The following NDUFS4 variants were observed in gnomAD, a reference collection of about 807,000 sequenced individuals.
NDUFS4 encodes the protein NADH:ubiquinone oxidoreductase subunit S4, also known as NADH dehydrogenase [ubiquinone] iron-sulfur protein 4, mitochondrial.
A neutral mutation model predicts 24.3 loss-of-function variants in NDUFS4; 28 were observed. The ratio of observed to expected loss-of-function variants is 1.15; its 90% CI spans 0.85 to 1.58. The LOEUF (loss-of-function observed/expected upper bound fraction) is 1.58, where lower values mean the gene tolerates loss of function less well. NDUFS4 is among the 40% of genes most tolerant of loss of function. The probability of loss-of-function intolerance (pLI) is 0.00; values close to 1 mark genes in which losing one functional copy is unlikely to be tolerated. For synonymous variants in NDUFS4, 93 were observed against 69.7 expected (o/e 1.34, Z -1.67); for missense variants, 223 against 207.9 (o/e 1.07, Z -0.45).
At chr5:53,594,872 T>TTGTTTG (rs149519420) in intron 1 of NDUFS4, among the ~76,000 whole-genome samples, 2 of 148,426 alleles carry the variant, frequency 1.3e-5, no homozygotes, top group African/African-American at 2.5e-5. Flanking sequence ...ATGTCTGTGT[T>TTGTTTG]TGTGTGTGTG....
At chr5:53,674,480 C>A (rs1740392260) in intron 4 of NDUFS4, among the ~76,000 whole-genome samples, 1 of 152,110 alleles carries the variant, frequency 6.6e-6, no homozygotes, top group African/African-American at 2.4e-5. Context: ...ATGTCCTGAA[C>A]CCTATCATTA....
Position 53,668,911 on chromosome 5 carries a change from G to T in NDUFS4, c.424+10287G>T, listed in dbSNP as rs77909537. 7.9e-3 allele frequency among the ~76,000 whole-genome samples: 1,210 copies of T among 152,208 alleles called. 54 individuals carry two copies. The highest frequency in any genetic ancestry group is 0.056 in the Admixed American group (857 of 15,286). ...TTAGTAACTCTGTGAAGCAGGAACA[G>T]TTATCTCCATTTAATTGTTCAAGGC... is the stretch of plus-strand genomic sequence containing the variant. On this transcript the variant is annotated intron_variant, in intron 4 of 4. Coordinates refer to ENST00000296684, the MANE Select transcript of NDUFS4 (RefSeq NM_002495.4).
At chr5:53,596,925 A>C (rs2112449160) in intron 1 of NDUFS4, among the ~76,000 whole-genome samples, 1 of 152,318 alleles carries the variant, frequency 6.6e-6, no homozygotes, top group Admixed American at 6.5e-5. Flanking sequence ...AATGTTTATA[A>C]AATCATATTC....
At chr5:53,672,381 G>C (rs757078939) in intron 4 of NDUFS4, among the ~76,000 whole-genome samples, 2 of 152,146 alleles carry the variant, frequency 1.3e-5, no homozygotes, top group Non-Finnish European at 2.9e-5. Context: ...ACTAATTCAT[G>C]TGAAATAAAA....
At chr5:53,576,058 ATCTTCT>A (rs1168386148) in intron 1 of NDUFS4, among the ~76,000 whole-genome samples, 1 of 152,242 alleles carries the variant, frequency 6.6e-6, no homozygotes, top group African/African-American at 2.4e-5. Flanking sequence ...CAAACAATAA[ATCTTCT>A]TTGAGAGGGT....
chr5:53,590,665 T>C (rs536143020), intron 1 of NDUFS4, among the ~76,000 whole-genome samples: 1 of 152,338 alleles, frequency 6.6e-6, no homozygotes, highest in African/African-American at 2.4e-5. Context: ...TAGGCAGTTA[T>C]AAATCTTCTT....
chr5:53,609,738 C>G (rs1245788411), intron 2 of NDUFS4, among the ~76,000 whole-genome samples: 2 of 152,172 alleles, frequency 1.3e-5, no homozygotes, highest in South Asian at 4.1e-4. Context: ...TCTAGATCTT[C>G]TGGATCACTT....
At chr5:53,660,772 G>A (rs1393711535) in intron 4 of NDUFS4, among the ~76,000 whole-genome samples, 2 of 152,128 alleles carry the variant, frequency 1.3e-5, no homozygotes, top group African/African-American at 4.8e-5. Flanking sequence ...ATTTTTTCAT[G>A]TGTCTTTTGG....
intron 1 of NDUFS4, among the ~76,000 whole-genome samples, chr5:53,568,792 TCTCTA>T (rs771457410): frequency 4.1e-4 from 62 of 152,226 alleles, no homozygotes; most frequent in Non-Finnish European, 4.9e-4. Context: ...GTTTCATGCT[TCTCTA>T]CTCTTTTGTG....
intron 1 of NDUFS4, among the ~76,000 whole-genome samples, chr5:53,594,661 A>G (rs573828169): frequency 1.3e-5 from 2 of 152,000 alleles, no homozygotes; most frequent in South Asian, 2.1e-4. Context: ...TTTATCTACT[A>G]TATGTTTTAC....
At chr5:53,614,229 A>G (rs971466966) in intron 2 of NDUFS4, among the ~76,000 whole-genome samples, 4 of 151,948 alleles carry the variant, frequency 2.6e-5, no homozygotes, top group African/African-American at 4.8e-5. Flanking sequence ...AATTCTTTAG[A>G]TAAATAAAAT....
chr5:53,569,205 T>C (rs1186129106), intron 1 of NDUFS4, among the ~76,000 whole-genome samples: 2 of 152,174 alleles, frequency 1.3e-5, no homozygotes, highest in African/African-American at 2.4e-5. Context: ...TTATGACTTT[T>C]GCCTTTTAAG....
chr5:53,659,148 C>G (rs1752250127), intron 4 of NDUFS4, among the ~76,000 whole-genome samples: 1 of 152,134 alleles, frequency 6.6e-6, no homozygotes, highest in Non-Finnish European at 1.5e-5. Flanking sequence ...TAATACCAAG[C>G]CTAATCTCAA....
At position 53,675,404 on chromosome 5, in the gene NDUFS4, C is replaced by T. The variant is rs899444275; in HGVS notation, c.425-7714C>T. On this transcript the variant is annotated intron_variant, in intron 4 of 4. Coordinates refer to ENST00000296684, the MANE Select transcript of NDUFS4 (RefSeq NM_002495.4). ...TTCTCGATTTCCTGACCTCGTGATC[C>T]GCCCGCCTTGGCCTCCCAAAGTGCT... Among the ~76,000 whole-genome samples, 11 of 152,038 alleles carry T rather than the reference C, an allele frequency of 7.2e-5. No homozygotes were observed. The East Asian group carries it at 9.7e-4, about 13-fold the overall frequency.
chr5:53,562,862 A>C (rs1748892785), intron 1 of NDUFS4, among the ~76,000 whole-genome samples: 1 of 152,200 alleles, frequency 6.6e-6, no homozygotes, highest in African/African-American at 2.4e-5. Flanking sequence ...TTTGCAAATC[A>C]TGTAACATTT....
intron 1 of NDUFS4, among the ~76,000 whole-genome samples, chr5:53,602,837 A>G (rs1750367965): frequency 6.6e-6 from 1 of 152,224 alleles, no homozygotes; most frequent in Non-Finnish European, 1.5e-5. Context: ...ACGTTAAGTA[A>G]TTGGAGTGAG....
At chr5:53,646,446 T>C (rs1205210539) in intron 3 of NDUFS4, 41 bp downstream of exon 3, 1 of 1,588,552 alleles carries the variant, frequency 6.3e-7, no homozygotes, top group Non-Finnish European at 8.6e-7. Flanking sequence ...CAGCTATCTT[T>C]TTCTATGTAG....
chr5:53,601,754 G>C (rs528241118), intron 1 of NDUFS4, among the ~76,000 whole-genome samples: 5 of 152,106 alleles, frequency 3.3e-5, no homozygotes, highest in Non-Finnish European at 5.9e-5. Context: ...TCTCACCCAG[G>C]ATGTGAATCA....
At chr5:53,679,620 G>A (rs1437307102) in intron 4 of NDUFS4, among the ~76,000 whole-genome samples, 1 of 152,208 alleles carries the variant, frequency 6.6e-6, no homozygotes, top group Non-Finnish European at 1.5e-5. Flanking sequence ...GAGATCTGAT[G>A]TAGTACAGAG....
Sources: allele counts gnomAD v4.1 joint callset (sites outside exome capture counted in the v4.1 genomes callset), GRCh38; gene constraint gnomAD v4.1.1; transcripts MANE v1.5; gene names NCBI Gene and HGNC (gene_info 2026-07-23, HGNC 2026-07-21).